The following NAA15 variants were observed in gnomAD, a reference collection of about 807,000 sequenced individuals.
The protein encoded by NAA15 is N-terminal acetyltransferase.
A neutral mutation model predicts 114.0 loss-of-function variants in NAA15; 34 were observed. The observed-to-expected ratio is 0.30, with a 90% CI of 0.23 to 0.40. The LOEUF (loss-of-function observed/expected upper bound fraction) is 0.40. Ranked by LOEUF, NAA15 falls within the 10% of genes least tolerant of loss-of-function variation. The probability of loss-of-function intolerance (pLI) is 1.00; values close to 1 mark genes in which losing one functional copy is unlikely to be tolerated. For synonymous variants in NAA15, 340 were observed against 338.0 expected, an observed-to-expected ratio of 1.01 and a Z score of -0.06; for missense variants, 658 against 1,004.5, an observed-to-expected ratio of 0.66 and a Z score of 4.66.
At chr4:139,314,466 A>G (rs1901173) in intron 1 of NAA15, among the ~76,000 whole-genome samples, 34,008 of 151,734 alleles carry the variant, frequency 0.22, 4,457 homozygotes, top group South Asian at 0.4. Context: ...AAGCAATGTA[A>G]CAGAATTTAC....
At chr4:139,366,760 C>T (rs563437985) in intron 14 of NAA15, among the ~76,000 whole-genome samples, 17 of 152,210 alleles carry the variant, frequency 1.1e-4, no homozygotes, top group African/African-American at 3.6e-4. Context: ...AGGCACATGC[C>T]ACCATGCCCA....
intron 11 of NAA15, among the ~76,000 whole-genome samples, chr4:139,359,300 G>T (rs193201008): frequency 6.6e-6 from 1 of 151,788 alleles, no homozygotes; most frequent in East Asian, 2.0e-4. Context: ...GGTTTACTTT[G>T]TATTTTTAGT....
At chr4:139,372,756 A>G (rs1748478771) in intron 15 of NAA15, among the ~76,000 whole-genome samples, 1 of 130,490 alleles carries the variant, frequency 7.7e-6, no homozygotes, top group African/African-American at 3.0e-5. Context: ...GTGATTCTGT[A>G]TTTCAGCTTT....
chr4:139,337,518 GAGA>G (rs1479907730), intron 3 of NAA15, among the ~76,000 whole-genome samples: 1 of 152,140 alleles, frequency 6.6e-6, no homozygotes, highest in African/African-American at 2.4e-5. Context: ...ACTTAATGAT[GAGA>G]TATATAACAT....
intron 3 of NAA15, among the ~76,000 whole-genome samples, chr4:139,340,076 CT>C (rs1451206780): frequency 6.6e-6 from 1 of 152,100 alleles, no homozygotes; most frequent in Non-Finnish European, 1.5e-5. Context: ...AATCCCCGCA[CT>C]TTGGGAGGCC....
At chr4:139,322,296 GCT>G (rs1167151243) in intron 1 of NAA15, among the ~76,000 whole-genome samples, 1 of 152,174 alleles carries the variant, frequency 6.6e-6, no homozygotes, top group Non-Finnish European at 1.5e-5. Flanking sequence ...CCCTGCACAA[GCT>G]CTCTTCTCTT....
At chr4:139,319,935 C>T (rs1010941701) in intron 1 of NAA15, among the ~76,000 whole-genome samples, 2 of 152,204 alleles carry the variant, frequency 1.3e-5, no homozygotes, top group African/African-American at 2.4e-5. Context: ...TTATTGCACA[C>T]TGCTACTTTC....
At chr4:139,304,169 C>T (rs1316840103) in intron 1 of NAA15, among the ~76,000 whole-genome samples, 5 of 152,224 alleles carry the variant, frequency 3.3e-5, no homozygotes, top group East Asian at 1.9e-4. Flanking sequence ...CCGCCCGCCT[C>T]GGCCTTCCGA....
intron 1 of NAA15, chr4:139,302,309 C>A (rs150371376): frequency 6.4e-6 from 1 of 156,728 alleles, no homozygotes; most frequent in Non-Finnish European, 1.4e-5. Flanking sequence ...CCCTCTTCCT[C>A]CTCTCTTGGG....
intron 1 of NAA15, among the ~76,000 whole-genome samples, chr4:139,317,000 T>C (rs1248353519): frequency 1.3e-5 from 2 of 151,794 alleles, no homozygotes; most frequent in Non-Finnish European, 2.9e-5. Context: ...ACATACTTTC[T>C]AAGTGTATTT....
rs1171239852 is a variant in NAA15 at position 139,354,092 on chromosome 4, C to T, written c.1081C>T (p.Pro361Ser). 6.2e-7 allele frequency: 1 copy of T among 1,612,012 alleles called. No individual in the cohort carries two copies. Reference sequence around the variant, plus strand: ...TCTAAAAAGCTGCCGGTTATTTAACCCCAATGGTAAGTCCTCAAGTTTTAT... The same window carrying T: ...TCTAAAAAGCTGCCGGTTATTTAACTCCAATGGTAAGTCCTCAAGTTTTAT... ...TSLKSCRLFN[P>S]NDDGKEEPPT... The change falls in exon 10 of 20, where the codon CCC becomes TCC. Residue 361 changes from proline to serine, a missense_variant. By Grantham distance (74) the Pro-to-Ser change is moderately conservative. Transcript: ENST00000296543.
chr4:139,332,437 T>C (rs1219139134), intron 1 of NAA15, among the ~76,000 whole-genome samples: 2 of 151,920 alleles, frequency 1.3e-5, no homozygotes, highest in African/African-American at 4.8e-5. Context: ...CCCTCGATAG[T>C]GCCTTTTAAA....
intron 9 of NAA15, among the ~76,000 whole-genome samples, chr4:139,353,148 G>A (rs1229582439): frequency 6.6e-6 from 1 of 152,030 alleles, no homozygotes; most frequent in African/African-American, 2.4e-5. Flanking sequence ...TCAACTTATG[G>A]AACAGTCATT....
chr4:139,317,620 T>G (rs574090735), intron 1 of NAA15, among the ~76,000 whole-genome samples: 146 of 152,202 alleles, frequency 9.6e-4, no homozygotes, highest in African/African-American at 3.2e-3. Flanking sequence ...GACACTGTCT[T>G]GAAAAAACAA....
chr4:139,307,423 C>T (rs556402974), intron 1 of NAA15, among the ~76,000 whole-genome samples: 5 of 152,304 alleles, frequency 3.3e-5, no homozygotes, highest in Admixed American at 2.6e-4. Flanking sequence ...CGTGCCACCA[C>T]GCCTGGCTAA....
chr4:139,333,488 T>C (rs1363422153), intron 1 of NAA15, among the ~76,000 whole-genome samples: 1 of 152,202 alleles, frequency 6.6e-6, no homozygotes. Flanking sequence ...ACAGTCTGGG[T>C]ATTTTTTCCG....
At chr4:139,342,560 C>T (rs1747444940) in intron 4 of NAA15, among the ~76,000 whole-genome samples, 1 of 149,754 alleles carries the variant, frequency 6.7e-6, no homozygotes. Flanking sequence ...AGTGATTCTC[C>T]CGCCTCAGCC....
At chr4:139,310,744 G>A (rs1349825609) in intron 1 of NAA15, among the ~76,000 whole-genome samples, 1 of 151,630 alleles carries the variant, frequency 6.6e-6, no homozygotes, top group Non-Finnish European at 1.5e-5. Context: ...TCAGCTTCCT[G>A]AGTAGCTGGG....
intron 17 of NAA15, among the ~76,000 whole-genome samples, chr4:139,381,130 A>T (rs560983126): frequency 1.3e-5 from 2 of 152,282 alleles, no homozygotes; most frequent in Admixed American, 1.3e-4. Context: ...TCTCTAGAAT[A>T]TGTTGTTATA....
Sources: gnomAD v4.1 joint callset for allele counts (sites outside exome capture counted in the v4.1 genomes callset) on GRCh38, gnomAD v4.1.1 for gene constraint, MANE v1.5 for transcripts, NCBI Gene and HGNC (gene_info 2026-07-23, HGNC 2026-07-21) for gene names.